The following PHF24 variants were observed in gnomAD, a reference collection of about 807,000 sequenced individuals.
The protein encoded by PHF24 is PHD finger protein 24.
A neutral mutation model predicts 42.6 loss-of-function variants in PHF24; 25 were observed. The observed-to-expected ratio is 0.59, with a 90% CI of 0.43 to 0.82. The LOEUF is 0.82. PHF24 is among the 40% of genes least tolerant of loss of function. The pLI is 0.00. For missense variants in PHF24, 470 were observed against 538.1 expected (o/e 0.87, Z 1.25); for synonymous variants, 185 against 204.8 (o/e 0.90, Z 0.83).
chr9:34,724,900 C>T, the PHF24 span: 5 of 1,550,236 alleles, frequency 3.2e-6, no homozygotes. Context: ...AGGCCAGATG[C>T]TTGTGCCGTA....
At chr9:34,851,726 TC>T in the PHF24 span, among the ~76,000 whole-genome samples, 1 of 152,212 alleles carries the variant, frequency 6.6e-6, no homozygotes, top group Non-Finnish European at 1.5e-5. Flanking sequence ...CCGGAGCTGT[TC>T]CTATTCGGTC....
At chr9:34,712,886 TTA>T in the PHF24 span, among the ~76,000 whole-genome samples, 4 of 152,184 alleles carry the variant, frequency 2.6e-5, no homozygotes, top group Admixed American at 6.5e-5. Context: ...AGTAAGACAG[TTA>T]AAGTCTTCAT....
the PHF24 span, among the ~76,000 whole-genome samples, chr9:34,686,129 G>T: frequency 6.6e-6 from 1 of 152,186 alleles, no homozygotes; most frequent in Non-Finnish European, 1.5e-5. Flanking sequence ...AAGTCTCAGG[G>T]ATCACCTAGG....
the PHF24 span, among the ~76,000 whole-genome samples, chr9:34,669,105 C>T: frequency 2.6e-5 from 4 of 152,308 alleles, no homozygotes; most frequent in South Asian, 2.1e-4. Flanking sequence ...ACACCTTACA[C>T]GTATTGATTG....
At chr9:34,841,527 G>A in the PHF24 span, among the ~76,000 whole-genome samples, 4 of 151,980 alleles carry the variant, frequency 2.6e-5, no homozygotes, top group Non-Finnish European at 5.9e-5. Flanking sequence ...ACTTTTCTGA[G>A]GTATGATTAA....
At chr9:34,881,907 A>G in the PHF24 span, among the ~76,000 whole-genome samples, 3 of 152,202 alleles carry the variant, frequency 2.0e-5, no homozygotes, top group African/African-American at 4.8e-5. Flanking sequence ...GCGACACAAC[A>G]AAAACAGAGA....
chr9:34,881,062 A>G, the PHF24 span, among the ~76,000 whole-genome samples: 6 of 152,232 alleles, frequency 3.9e-5, no homozygotes, highest in Non-Finnish European at 7.3e-5. Context: ...AACTCGCTCA[A>G]AACCACTCAG....
rs1295789785 is a variant in PHF24 at position 34,958,719 on chromosome 9, G to A, written c.-5+318G>A. Among the ~76,000 whole-genome samples, 1 of 152,174 alleles carries A rather than the reference G, an allele frequency of 6.6e-6. No homozygotes were observed. Among genetic ancestry groups the A allele is most frequent in the Non-Finnish European group, 1.5e-5 (1 of 68,018 alleles). On this transcript the variant is annotated intron_variant, in intron 1 of 7. Transcript: ENST00000242315. This position sits in a 1 kb window ranked among gnomAD's most constrained non-coding sequence, Gnocchi z 4.5. ...CCCTTCTGTGTCACTGTGGGAGCAGGCACAAGGGTGGTCTCTGGAGCTGGC... is the reference window on the plus strand; with the variant it reads ...CCCTTCTGTGTCACTGTGGGAGCAGACACAAGGGTGGTCTCTGGAGCTGGC...
the PHF24 span, among the ~76,000 whole-genome samples, chr9:34,768,617 G>A: frequency 6.6e-6 from 1 of 152,150 alleles, no homozygotes; most frequent in Non-Finnish European, 1.5e-5. Flanking sequence ...CCTGGCGTAC[G>A]TTGGTGGCTA....
At chr9:34,720,045 G>T in the PHF24 span, among the ~76,000 whole-genome samples, 1 of 152,138 alleles carries the variant, frequency 6.6e-6, no homozygotes, top group African/African-American at 2.4e-5. Flanking sequence ...AAATGCTGGG[G>T]TCCCATCAGA....
the PHF24 span, among the ~76,000 whole-genome samples, chr9:34,818,471 A>G: frequency 6.6e-6 from 1 of 152,166 alleles, no homozygotes; most frequent in Non-Finnish European, 1.5e-5. Flanking sequence ...GATGTTGCAG[A>G]TTACATTAAC....
chr9:34,959,933 G>C (rs1020565981), intron 1 of PHF24, among the ~76,000 whole-genome samples: 7 of 152,170 alleles, frequency 4.6e-5, no homozygotes, highest in African/African-American at 1.7e-4. Flanking sequence ...GTGGACAATG[G>C]TCCACAGATA....
the PHF24 span, among the ~76,000 whole-genome samples, chr9:34,898,736 C>T: frequency 2.6e-5 from 4 of 152,184 alleles, no homozygotes; most frequent in African/African-American, 9.7e-5. Flanking sequence ...ACCCTCTATG[C>T]AGCTGTAACA....
At chr9:34,833,573 G>T in the PHF24 span, 5 of 1,551,012 alleles carry the variant, frequency 3.2e-6, no homozygotes, top group African/African-American at 6.9e-5. Context: ...GGACTTCCTT[G>T]CCCTAATGGG....
chr9:34,688,848 T>C, the PHF24 span, among the ~76,000 whole-genome samples: 1 of 152,260 alleles, frequency 6.6e-6, no homozygotes, highest in Non-Finnish European at 1.5e-5. Flanking sequence ...CCAAGCAGCA[T>C]GCTGGACACC....
At chr9:34,924,988 T>C in the PHF24 span, among the ~76,000 whole-genome samples, 1 of 152,196 alleles carries the variant, frequency 6.6e-6, no homozygotes, top group African/African-American at 2.4e-5. Context: ...ATAATGGTAA[T>C]CATCTTTTCA....
the PHF24 span, among the ~76,000 whole-genome samples, chr9:34,803,006 A>AGT: frequency 0.33 from 49,498 of 152,004 alleles, 8,650 homozygotes; most frequent in East Asian, 0.55. Context: ...CCACTCTCTC[A>AGT]GTGTGCTTCC....
the PHF24 span, chr9:34,726,431 C>A: frequency 6.4e-7 from 1 of 1,550,904 alleles, no homozygotes; most frequent in Non-Finnish European, 8.7e-7. Context: ...TGGATGCATC[C>A]GGTTCAGGGT....
chr9:34,697,162 C>G, the PHF24 span, among the ~76,000 whole-genome samples: 1 of 152,258 alleles, frequency 6.6e-6, no homozygotes, highest in African/African-American at 2.4e-5. Context: ...TTGACAGTGG[C>G]CTGTGATCAG....
Sources: gnomAD v4.1 joint callset for allele counts (sites outside exome capture counted in the v4.1 genomes callset) on GRCh38, gnomAD v4.1.1 for gene constraint, Gnocchi (gnomAD v3.1) non-coding constraint, MANE v1.5 for transcripts, NCBI Gene and HGNC (gene_info 2026-07-23, HGNC 2026-07-21) for gene names.